Variants in RIBC2 observed in about 807,000 individuals in gnomAD.
RIBC2 encodes the protein RIB43A-like with coiled-coils protein 2.
Under a neutral mutation model 44.3 loss-of-function variants are expected in RIBC2, and 40 were observed. The ratio of observed to expected loss-of-function variants is 0.90; its 90% CI spans 0.70 to 1.18. The LOEUF is 1.18. RIBC2 is among the 50% of genes most tolerant of loss of function. The pLI is 0.00. For synonymous variants in RIBC2, 171 were observed against 175.0 expected (o/e 0.98, Z 0.18); for missense variants, 459 against 485.5 (o/e 0.95, Z 0.51).
At chr22:45,421,452 T>C (rs2087477312) in intron 3 of RIBC2, among the ~76,000 whole-genome samples, 1 of 146,778 alleles carries the variant, frequency 6.8e-6, no homozygotes, top group African/African-American at 2.5e-5. Context: ...TTCATCTAAC[T>C]TCTCTTGGAT....
chr22:45,417,404 G>T (rs1306538113), intron 2 of RIBC2, among the ~76,000 whole-genome samples, 198 bp from the exon 3 acceptor site: 1 of 152,060 alleles, frequency 6.6e-6, no homozygotes, highest in Admixed American at 6.5e-5. Flanking sequence ...AGATTCATGG[G>T]CTGGGTTCAG....
chr22:45,430,001 C>T (rs1015901700), intron 5 of RIBC2, among the ~76,000 whole-genome samples: 2 of 152,094 alleles, frequency 1.3e-5, no homozygotes, highest in Non-Finnish European at 2.9e-5. Context: ...TGAGTGTGTC[C>T]CATGCCATTC....
At position 45,417,599 on chromosome 22, in the gene RIBC2, C is replaced by T. The variant is rs565917820; in HGVS notation, c.212-3C>T. The T allele has an allele frequency of 8.6e-5, 138 of 1,604,920 alleles. No homozygotes were observed. The South Asian group carries it at 1.4e-3, about 16-fold the overall frequency. ...GCTTATGGATATGCTGTATCTCTTCCAGCTGCTGAAATGAGGCAAAATGAC... is the reference window on the plus strand; with the variant it reads ...GCTTATGGATATGCTGTATCTCTTCTAGCTGCTGAAATGAGGCAAAATGAC... On this transcript the variant is annotated splice_polypyrimidine_tract_variant and splice_region_variant and intron_variant, in intron 2 of 6. Coordinates refer to ENST00000614167, the MANE Select transcript of RIBC2 (RefSeq NM_015653.5).
chr22:45,418,012 T>TGA, intron 3 of RIBC2, 66 bp downstream of exon 3: 1 of 1,211,628 alleles, frequency 8.3e-7, no homozygotes, highest in Non-Finnish European at 1.1e-6. Flanking sequence ...TACAGTTTTT[T>TGA]TTTTTTTTTA....
intron 4 of RIBC2, among the ~76,000 whole-genome samples, chr22:45,424,753 C>CTTTTTTTTT (rs3071820): frequency 4.0e-5 from 5 of 124,350 alleles, no homozygotes; most frequent in African/African-American, 6.3e-5. Flanking sequence ...TTTCTTTTTT[C>CTTTTTTTTT]TTTTTTTTTT....
At position 45,414,422 on chromosome 22, in the gene RIBC2, CT is replaced by C; in HGVS notation, c.211+21del. ...ACCTTTGGTGAGCATTTCCTGAATG[CT>C]TATCTATTGGTTTAGGATTGTGTGG... On this transcript the variant is annotated intron_variant, in intron 2 of 6. Coordinates refer to ENST00000614167, the MANE Select transcript of RIBC2 (RefSeq NM_015653.5). 6.6e-7 allele frequency: 1 copy of C among 1,515,716 alleles called. No individual in the cohort carries two copies. Among genetic ancestry groups the C allele is most frequent in the Non-Finnish European group, 9.0e-7 (1 of 1,116,166 alleles). The allele number at this position is 1,515,716 out of a possible 1,614,324, so 93.9% of individuals were successfully genotyped here. A position where few individuals can be genotyped will look rare whatever the true frequency, so the allele number is the denominator to read the frequency against.
chr22:45,414,240 TA>T (rs2087394658), intron 1 of RIBC2, 81 bp from the exon 2 acceptor site: 1 of 1,507,626 alleles, frequency 6.6e-7, no homozygotes, highest in Non-Finnish European at 8.8e-7. Flanking sequence ...GGGCAGAGAT[TA>T]AAAATAATAA....
Position 45,416,855 on chromosome 22 carries a change from C to CTT in RIBC2, c.212-746_212-745dup, listed in dbSNP as rs377353636. On this transcript the variant is annotated intron_variant, in intron 2 of 6. Transcript: ENST00000614167. Reference sequence around the variant, plus strand: ...CTTCGATTCATTGGATGTTTCCCACCTTGTATGGGTGATCATCCTTTCATA... The same window carrying CTT: ...CTTCGATTCATTGGATGTTTCCCACCTTTTGTATGGGTGATCATCCTTTCATA... Among the ~76,000 whole-genome samples, 24 of 150,702 alleles carry CTT rather than the reference C, an allele frequency of 1.6e-4. No homozygotes were observed. The East Asian group carries it at 4.5e-3, about 28-fold the overall frequency.
rs573738716 is a variant in RIBC2, at chr22:45,413,702, A to G, written c.-185A>G. 21 of 1,170,896 alleles carry G rather than the reference A, an allele frequency of 1.8e-5. No homozygotes were observed. The African/African-American group carries it at 3.1e-4, about 17-fold the overall frequency. The allele number at this position is 1,170,896 out of a possible 1,614,324, so 72.5% of individuals were successfully genotyped here. A position where few individuals can be genotyped will look rare whatever the true frequency, so the allele number is the denominator to read the frequency against. On this transcript the variant is annotated 5_prime_UTR_variant, in exon 1 of 7. Coordinates refer to ENST00000614167, the MANE Select transcript of RIBC2 (RefSeq NM_015653.5). ...CGTTCCTTAGCAACGAGTTGTTGAC[A>G]TTTCCGAGAGAGCGGGAGCGTCTGT...
chr22:45,414,162 C>G, intron 1 of RIBC2, 147 bp downstream of exon 1: 16 of 1,478,354 alleles, frequency 1.1e-5, no homozygotes, highest in South Asian at 1.4e-5. Context: ...TGCTCCCTCT[C>G]GAGCTCGCCT....
intron 4 of RIBC2, 90 bp from the exon 5 acceptor site, chr22:45,425,858 C>A: frequency 1.8e-6 from 2 of 1,117,678 alleles, no homozygotes; most frequent in Non-Finnish European, 2.6e-6. Context: ...ATCCTCCCCT[C>A]GAGGGCCCCC....
At position 45,413,882 on chromosome 22, in the gene RIBC2, T is replaced by G. The variant is rs748008145; in HGVS notation, c.-5T>G. On this transcript the variant is annotated 5_prime_UTR_variant, in exon 1 of 7. Coordinates refer to ENST00000614167, the MANE Select transcript of RIBC2 (RefSeq NM_015653.5). ...TGCGTGTTCTAAAAACCCCTTAGGC[T>G]TTCCATGGGTTCCCAGACCATGGCG... 1 of 1,549,488 alleles carries G rather than the reference T, an allele frequency of 6.5e-7. No homozygotes were observed. The highest frequency in any genetic ancestry group is 1.2e-5 in the South Asian group (1 of 83,870).
chr22:45,432,361 A>G lies in RIBC2; in HGVS notation c.1148A>G (p.Ter383=). The G allele has an allele frequency of 6.3e-7, 1 of 1,582,552 alleles. No individual in the cohort carries two copies. Among genetic ancestry groups the G allele is most frequent in the Non-Finnish European group, 8.7e-7 (1 of 1,152,470 alleles). The stretch of plus-strand genomic sequence containing the variant: ...ACACAATTTAATACAGGAAGTCGAT[A>G]ATGAGGAACACACCCTTGTTCCCGT... The part of the protein sequence containing the change: ...YFTQFNTGSR[*] Residue 383 remains the stop codon, a stop_retained_variant, in exon 7 of 7, where the codon TAA becomes TGA. Coordinates refer to ENST00000614167, the MANE Select transcript of RIBC2 (RefSeq NM_015653.5).
chr22:45,425,915 G>A (rs777844063), intron 4 of RIBC2, 33 bp from the exon 5 acceptor site: 25 of 1,581,852 alleles, frequency 1.6e-5, no homozygotes, highest in African/African-American at 2.7e-5. Context: ...GGGGTCACTC[G>A]GACCATCTTC....
chr22:45,417,090 A>G (rs2087432375), intron 2 of RIBC2, among the ~76,000 whole-genome samples: 1 of 151,570 alleles, frequency 6.6e-6, no homozygotes, highest in African/African-American at 2.4e-5. Flanking sequence ...TAGTAGAGAC[A>G]GGGTTTCACC....
At chr22:45,416,060 T>C (rs1282036806) in intron 2 of RIBC2, among the ~76,000 whole-genome samples, 1 of 152,230 alleles carries the variant, frequency 6.6e-6, no homozygotes, top group Non-Finnish European at 1.5e-5. Context: ...TAAAATTGTT[T>C]TTATGTGTTT....
At chr22:45,414,057 C>A in intron 1 of RIBC2, 42 bp downstream of exon 1, 2 of 1,546,364 alleles carry the variant, frequency 1.3e-6, no homozygotes, top group Non-Finnish European at 8.7e-7. Context: ...GCGGCAGATG[C>A]GGGCGAGGGG....
intron 5 of RIBC2, among the ~76,000 whole-genome samples, chr22:45,429,179 C>T (rs768251260): frequency 7.2e-5 from 11 of 152,290 alleles, no homozygotes; most frequent in Admixed American, 2.0e-4. Flanking sequence ...TCCGGACCCA[C>T]AGCATCGGCC....
At chr22:45,424,778 G>A (rs984312683) in intron 4 of RIBC2, among the ~76,000 whole-genome samples, 3 of 146,666 alleles carry the variant, frequency 2.0e-5, no homozygotes, top group Middle Eastern at 3.4e-3. Flanking sequence ...TTTTGAGGTG[G>A]AGTCTTGTTC....
Sources: gnomAD v4.1 joint callset for allele counts (sites outside exome capture counted in the v4.1 genomes callset) on GRCh38, gnomAD v4.1.1 for gene constraint, MANE v1.5 for transcripts, NCBI Gene and HGNC (gene_info 2026-07-23, HGNC 2026-07-21) for gene names.